Variants in SIL1 observed in about 807,000 individuals in gnomAD.
The protein encoded by SIL1 is nucleotide exchange factor SIL1.
SIL1 carries 40 observed loss-of-function variants against 49.1 expected under a neutral mutation model. The ratio of observed to expected loss-of-function variants is 0.81; its 90% CI spans 0.63 to 1.06. SIL1 has a LOEUF of 1.06. Ranked by LOEUF, SIL1 falls within the 50% of genes least tolerant of loss-of-function variation. SIL1 has a pLI of 0.00. For synonymous variants in SIL1, 253 were observed against 250.8 expected, an observed-to-expected ratio of 1.01 and a Z score of -0.08; for missense variants, 500 against 572.6, an observed-to-expected ratio of 0.87 and a Z score of 1.29.
At chr5:139,003,841 C>T (rs1161378768) in intron 7 of SIL1, among the ~76,000 whole-genome samples, 2 of 152,166 alleles carry the variant, frequency 1.3e-5, no homozygotes, top group African/African-American at 4.8e-5. Context: ...ATGAATTATA[C>T]TCTTTCTAAT....
chr5:139,113,269 C>T (rs907849592), intron 3 of SIL1, among the ~76,000 whole-genome samples: 2 of 150,938 alleles, frequency 1.3e-5, no homozygotes, highest in Non-Finnish European at 3.0e-5. Context: ...TCCCCCTCTG[C>T]GAGAAACACC....
intron 3 of SIL1, among the ~76,000 whole-genome samples, chr5:139,098,742 T>C (rs570749753): frequency 6.7e-6 from 1 of 148,202 alleles, no homozygotes; most frequent in Non-Finnish European, 1.5e-5. Context: ...CAAACAACTA[T>C]AGGAAAAACA....
chr5:139,035,311 T>G (rs1344562153), intron 5 of SIL1: 1 of 527,326 alleles, frequency 1.9e-6, no homozygotes, highest in Admixed American at 1.9e-5. Context: ...TGTCAAGTAA[T>G]GTTGACAATC....
intron 7 of SIL1, among the ~76,000 whole-genome samples, chr5:138,975,902 GA>G (rs1017747238): frequency 6.6e-6 from 1 of 152,186 alleles, no homozygotes; most frequent in Non-Finnish European, 1.5e-5. Context: ...CAAAGAAACA[GA>G]AAAATAATAA....
chr5:139,082,852 C>CATGG (rs1770116644), intron 3 of SIL1, among the ~76,000 whole-genome samples: 1 of 152,196 alleles, frequency 6.6e-6, no homozygotes, highest in African/African-American at 2.4e-5. Flanking sequence ...GGAAGCTGAT[C>CATGG]ATGGATTAAG....
chr5:138,962,116 T>C (rs1272862526), intron 7 of SIL1, among the ~76,000 whole-genome samples: 1 of 152,124 alleles, frequency 6.6e-6, no homozygotes, highest in Non-Finnish European at 1.5e-5. Flanking sequence ...GGTTTCTTTT[T>C]TTTTTCTAGA....
chr5:138,949,732 G>A (rs371275193), intron 9 of SIL1, among the ~76,000 whole-genome samples: 4 of 146,748 alleles, frequency 2.7e-5, no homozygotes, highest in Non-Finnish European at 4.5e-5. Context: ...GATCACTTGA[G>A]TCTGGGAGGC....
At chr5:139,001,091 A>T (rs1474576401) in intron 7 of SIL1, among the ~76,000 whole-genome samples, 1 of 152,074 alleles carries the variant, frequency 6.6e-6, no homozygotes, top group African/African-American at 2.4e-5. Context: ...TGGGGGGGGA[A>T]ACTACTCAAT....
At chr5:139,122,154 A>G (rs1001482023) in intron 2 of SIL1, among the ~76,000 whole-genome samples, 21 of 152,236 alleles carry the variant, frequency 1.4e-4, no homozygotes, top group Non-Finnish European at 2.2e-4. Flanking sequence ...CTAGTAATAA[A>G]AAGTATATTT....
chr5:138,948,290 G>C lies in SIL1; in HGVS notation c.1030-817C>G, dbSNP rs1025376816. Among the ~76,000 whole-genome samples, 2 of 152,102 alleles carry C rather than the reference G, an allele frequency of 1.3e-5. No individual in the cohort carries two copies. Among genetic ancestry groups the C allele is most frequent in the African/African-American group, 4.8e-5 (2 of 41,408 alleles). On this transcript the variant is annotated intron_variant, in intron 9 of 9. Transcript: ENST00000394817. This position sits in a 1 kb window ranked among gnomAD's most constrained non-coding sequence, Gnocchi z 4.8. The stretch of plus-strand genomic sequence containing the variant: ...GAGGAGGGGTGCAATCCTGCATCCT[G>C]GGACAGGAGAGGCTGAGAGGTATCC...
At chr5:139,091,962 G>C (rs947972755) in intron 3 of SIL1, among the ~76,000 whole-genome samples, 4 of 152,224 alleles carry the variant, frequency 2.6e-5, no homozygotes, top group African/African-American at 9.6e-5. Flanking sequence ...GGAGTAAGTG[G>C]ACTGTGTGAG....
At chr5:139,120,986 C>T in intron 3 of SIL1, 49 bp downstream of exon 3, 4 of 1,611,544 alleles carry the variant, frequency 2.5e-6, no homozygotes, top group Non-Finnish European at 3.4e-6. Flanking sequence ...AGGACATATG[C>T]AGTTTGAATT....
At chr5:139,018,117 G>T (rs574656947) in intron 7 of SIL1, among the ~76,000 whole-genome samples, 39 of 152,192 alleles carry the variant, frequency 2.6e-4, no homozygotes, top group African/African-American at 8.4e-4. Context: ...TTATTTCAGT[G>T]GTCATGTAAC....
intron 1 of SIL1, among the ~76,000 whole-genome samples, chr5:139,174,029 T>G (rs958762677): frequency 7.1e-6 from 1 of 141,776 alleles, no homozygotes; most frequent in East Asian, 2.0e-4. Context: ...TTTAAGGAAC[T>G]GAAAAAAGAA....
intron 1 of SIL1, among the ~76,000 whole-genome samples, chr5:139,189,823 AAAT>A (rs894678868): frequency 3.3e-5 from 5 of 152,198 alleles, no homozygotes; most frequent in African/African-American, 1.2e-4. Flanking sequence ...TCTGTCTCAA[AAAT>A]AATAATAACA....
At chr5:139,065,908 T>C (rs1769694677) in intron 3 of SIL1, among the ~76,000 whole-genome samples, 1 of 152,222 alleles carries the variant, frequency 6.6e-6, no homozygotes, top group Non-Finnish European at 1.5e-5. Context: ...GGATCACTTT[T>C]GACAGAAGTC....
intron 7 of SIL1, among the ~76,000 whole-genome samples, chr5:138,983,016 G>C (rs976335607): frequency 6.6e-6 from 1 of 151,766 alleles, no homozygotes; most frequent in Non-Finnish European, 1.5e-5. Context: ...GGGCAACATG[G>C]TGAAACACCA....
chr5:139,174,267 A>C (rs1480633082), intron 1 of SIL1, among the ~76,000 whole-genome samples: 1 of 152,182 alleles, frequency 6.6e-6, no homozygotes, highest in Non-Finnish European at 1.5e-5. Flanking sequence ...TGGGAGGCCA[A>C]GATAGGATTG....
At chr5:139,044,500 A>G (rs1473411554) in intron 4 of SIL1, among the ~76,000 whole-genome samples, 1 of 152,180 alleles carries the variant, frequency 6.6e-6, no homozygotes, top group Non-Finnish European at 1.5e-5. Flanking sequence ...AAGTTCACGC[A>G]CACACACGAA....
Sources: gnomAD v4.1 joint callset for allele counts (sites outside exome capture counted in the v4.1 genomes callset) on GRCh38, gnomAD v4.1.1 for gene constraint, Gnocchi (gnomAD v3.1) non-coding constraint, MANE v1.5 for transcripts, NCBI Gene and HGNC (gene_info 2026-07-23, HGNC 2026-07-21) for gene names.